MRTFB: variants seen among roughly 807,000 people sequenced by gnomAD.
MRTFB encodes the protein myocardin-related transcription factor B.
Under a neutral mutation model 104.2 loss-of-function variants are expected in MRTFB, and 29 were observed. That is an observed-to-expected ratio of 0.28 (90% CI 0.21 to 0.38). The LOEUF (loss-of-function observed/expected upper bound fraction) is 0.38. Ranked by LOEUF, MRTFB falls within the 10% of genes least tolerant of loss-of-function variation. MRTFB has a pLI of 1.00. For synonymous variants in MRTFB, 535 were observed against 519.5 expected, an observed-to-expected ratio of 1.03 and a Z score of -0.41; for missense variants, 1,270 against 1,341.6, an observed-to-expected ratio of 0.95 and a Z score of 0.83.
chr16:13,997,892 A>C, the MRTFB span, among the ~76,000 whole-genome samples: 3 of 152,118 alleles, frequency 2.0e-5, no homozygotes, highest in African/African-American at 7.2e-5. Context: ...GGTGAGTAAG[A>C]CAAGCATGAT....
intron 3 of MRTFB, among the ~76,000 whole-genome samples, chr16:14,194,702 CTTT>C (rs5815818): frequency 1.6e-5 from 2 of 123,558 alleles, no homozygotes; most frequent in African/African-American, 2.8e-5. Context: ...GTATGCTTTT[CTTT>C]TTTTTTTTTT....
At chr16:14,111,942 G>A (rs141817557) in intron 2 of MRTFB, among the ~76,000 whole-genome samples, 3 of 152,160 alleles carry the variant, frequency 2.0e-5, no homozygotes, top group Non-Finnish European at 2.9e-5. Flanking sequence ...GTGGCTGGGC[G>A]CTCTGAGCTC....
rs546320600 is a variant in MRTFB at position 14,117,818 on chromosome 16, G to A, written c.-63-22726G>A. Reference sequence around the variant, plus strand: ...TAGGGAAAAAAAAGTTAGAAAATCAGGAAGACTAGAAAGGAAAAAAGAAAA... The same window carrying A: ...TAGGGAAAAAAAAGTTAGAAAATCAAGAAGACTAGAAAGGAAAAAAGAAAA... On this transcript the variant is annotated intron_variant, in intron 2 of 16. Transcript: ENST00000571589. 2.6e-5 allele frequency among the ~76,000 whole-genome samples: 4 copies of A among 152,098 alleles called. No homozygotes were observed. The South Asian group carries it at 8.3e-4, about 32-fold the overall frequency.
Position 14,227,335 on chromosome 16 carries a change from C to T in MRTFB, c.694-6811C>T, listed in dbSNP as rs1026909513. 5.9e-5 allele frequency among the ~76,000 whole-genome samples: 9 copies of T among 152,066 alleles called. No homozygotes were observed. In the South Asian group the frequency reaches 6.2e-4, roughly 11 times the overall value. On this transcript the variant is annotated intron_variant, in intron 8 of 16. Transcript: ENST00000571589. The stretch of plus-strand genomic sequence containing the variant: ...GAAAAGCCCAGCCCCTCCCCGCTCT[C>T]TCTTGCTTCCTCTTTTCCCCTGTAA...
chr16:14,013,292 T>C, the MRTFB span: 2 of 152,144 alleles, frequency 1.3e-5, no homozygotes, highest in Admixed American at 6.5e-5. Context: ...TATCCGGAAA[T>C]TGATCAATTG....
At chr16:14,066,135 T>A in the MRTFB span, among the ~76,000 whole-genome samples, 1 of 152,314 alleles carries the variant, frequency 6.6e-6, no homozygotes, top group Non-Finnish European at 1.5e-5. Context: ...ATTGAATGAA[T>A]GTGCATAAAA....
intron 16 of MRTFB, among the ~76,000 whole-genome samples, chr16:14,259,279 T>C (rs866517702): frequency 6.8e-6 from 1 of 146,766 alleles, no homozygotes; most frequent in African/African-American, 2.5e-5. Flanking sequence ...CTACTAAAAA[T>C]ACAAAAATTA....
chr16:14,171,579 G>A (rs928917065), intron 3 of MRTFB, among the ~76,000 whole-genome samples: 1 of 151,812 alleles, frequency 6.6e-6, no homozygotes, highest in African/African-American at 2.4e-5. Flanking sequence ...TATCCTTAAT[G>A]ATAACTCCAT....
At position 14,240,460 on chromosome 16, in the gene MRTFB, A is replaced by G; in HGVS notation, c.1055A>G (p.Gln352Arg). The G allele has an allele frequency of 6.2e-7, 1 of 1,614,244 alleles. No individual in the cohort carries two copies. Among genetic ancestry groups the G allele is most frequent in the Non-Finnish European group, 8.5e-7 (1 of 1,180,036 alleles). ...CAGCAGAAGCAGCACTACAACTACC[A>G]GACCATCCTGCCTGCACCATTCAAG... ...LSQQKQHYNYQTILPAPFKPL... is the reference protein window; with the variant it reads ...LSQQKQHYNYRTILPAPFKPL... Residue 352 changes from glutamine (Q) to arginine (R), a missense_variant, in exon 10 of 17, where the codon CAG (glutamine) becomes CGG (arginine). Physicochemically the swap from Gln to Arg is conservative, Grantham distance 43. Coordinates refer to ENST00000571589, the MANE Select transcript of MRTFB (RefSeq NM_001308142.2).
intron 3 of MRTFB, among the ~76,000 whole-genome samples, chr16:14,188,957 A>ACAC (rs2040059466): frequency 6.6e-6 from 1 of 152,228 alleles, no homozygotes; most frequent in South Asian, 2.1e-4. Flanking sequence ...TATATTTAAA[A>ACAC]CACTCCACAG....
the MRTFB span, among the ~76,000 whole-genome samples, chr16:14,007,073 C>A: frequency 1.3e-5 from 2 of 152,120 alleles, no homozygotes; most frequent in Non-Finnish European, 2.9e-5. Context: ...AATTCGTACA[C>A]CGTACAAGTC....
intron 9 of MRTFB, among the ~76,000 whole-genome samples, chr16:14,238,258 C>G (rs1055739731): frequency 6.6e-6 from 1 of 152,088 alleles, no homozygotes; most frequent in Admixed American, 6.6e-5. Flanking sequence ...CTCAAAACAT[C>G]AGTAGAGACA....
chr16:14,001,176 C>T, the MRTFB span, among the ~76,000 whole-genome samples: 2 of 152,138 alleles, frequency 1.3e-5, no homozygotes, highest in East Asian at 1.9e-4. Flanking sequence ...TGCAAGCAAC[C>T]GAAACACTGA....
chr16:14,125,448 C>G (rs1401994231), intron 2 of MRTFB, among the ~76,000 whole-genome samples: 1 of 152,230 alleles, frequency 6.6e-6, no homozygotes, highest in African/African-American at 2.4e-5. Context: ...CAAACAGATT[C>G]TGCTTATGTC....
intron 2 of MRTFB, among the ~76,000 whole-genome samples, chr16:14,123,033 A>G (rs1471223026): frequency 6.6e-6 from 1 of 152,172 alleles, no homozygotes; most frequent in African/African-American, 2.4e-5. Flanking sequence ...GCATTTCTCT[A>G]ATGACCAGTG....
At chr16:14,195,685 G>A (rs902515413) in intron 3 of MRTFB, 1 of 444,704 alleles carries the variant, frequency 2.2e-6, no homozygotes, top group African/African-American at 2.1e-5. Flanking sequence ...AGAAACATGA[G>A]AACATTCTAT....
chr16:14,079,864 G>A (rs1255929514), intron 2 of MRTFB, among the ~76,000 whole-genome samples: 1 of 151,482 alleles, frequency 6.6e-6, no homozygotes, highest in African/African-American at 2.4e-5. Context: ...ATATTTTGGT[G>A]AACATACTTT....
intron 3 of MRTFB, chr16:14,195,633 T>C: frequency 1.1e-6 from 1 of 911,218 alleles, no homozygotes; most frequent in Non-Finnish European, 1.3e-6. Flanking sequence ...GTTTCGTTAA[T>C]TGTTCTTTTA....
At chr16:14,052,317 G>T in the MRTFB span, among the ~76,000 whole-genome samples, 2 of 152,060 alleles carry the variant, frequency 1.3e-5, no homozygotes, top group Non-Finnish European at 2.9e-5. Flanking sequence ...ATATTTATGG[G>T]GTACATGTGG....
Sources: gnomAD v4.1 joint callset for allele counts (sites outside exome capture counted in the v4.1 genomes callset) on GRCh38, gnomAD v4.1.1 for gene constraint, MANE v1.5 for transcripts, NCBI Gene and HGNC (gene_info 2026-07-23, HGNC 2026-07-21) for gene names.